INPP5D: variants seen among roughly 807,000 people sequenced by gnomAD.
INPP5D encodes inositol polyphosphate-5-phosphatase D, also known as phosphatidylinositol 3,4,5-trisphosphate 5-phosphatase 1.
Under a neutral mutation model 122.9 loss-of-function variants are expected in INPP5D, and 33 were observed. That is an observed-to-expected ratio of 0.27 (90% CI 0.20 to 0.36). INPP5D has a LOEUF of 0.36. INPP5D is among the 10% of genes least tolerant of loss of function. The pLI, the probability that INPP5D is intolerant of heterozygous loss-of-function variation, is 1.00. For synonymous variants in INPP5D, 584 were observed against 576.2 expected, an observed-to-expected ratio of 1.01 and a Z score of -0.19; for missense variants, 1,053 against 1,412.7, an observed-to-expected ratio of 0.75 and a Z score of 4.08.
chr2:233,109,885 A>G (rs114382983), intron 2 of INPP5D, among the ~76,000 whole-genome samples: 2,594 of 148,464 alleles, frequency 0.017, 59 homozygotes, highest in African/African-American at 0.057. Flanking sequence ...AGCGCCCACC[A>G]GTCTTTATCT....
chr2:233,200,481 T>C (rs1695302659), intron 25 of INPP5D, among the ~76,000 whole-genome samples: 1 of 152,190 alleles, frequency 6.6e-6, no homozygotes, highest in African/African-American at 2.4e-5. Context: ...TTCTTCATCC[T>C]TTTTCCATGA....
At chr2:233,135,229 C>G (rs976856663) in intron 5 of INPP5D, among the ~76,000 whole-genome samples, 1 of 150,242 alleles carries the variant, frequency 6.7e-6, no homozygotes, top group Non-Finnish European at 1.5e-5. Context: ...CAGCATCTCA[C>G]TCTGTCACTC....
At chr2:233,114,493 C>T (rs80028087) in intron 2 of INPP5D, among the ~76,000 whole-genome samples, 1 of 152,208 alleles carries the variant, frequency 6.6e-6, no homozygotes, top group East Asian at 1.9e-4. Context: ...CAGCCTTTCC[C>T]TCAGATGAGC....
rs904689309 is a variant in INPP5D, at chr2:233,164,502, A to G, written c.1555+78A>G. 2 of 1,431,902 alleles carry G rather than the reference A, an allele frequency of 1.4e-6. No individual in the cohort carries two copies. Among genetic ancestry groups the G allele is most frequent in the African/African-American group, 1.4e-5 (1 of 70,700 alleles). 88.7% of individuals were successfully genotyped at this position (1,431,902 alleles called of 1,614,324 possible). A position where few individuals can be genotyped will look rare whatever the true frequency, so the allele number is the denominator to read the frequency against. On this transcript the variant is annotated intron_variant, in intron 13 of 26. Transcript: ENST00000445964. This position sits in a 1 kb window ranked among gnomAD's most constrained non-coding sequence, Gnocchi z 4.3. ...GCGACCACATCATCCTGATCCCACCAGTAGTTCCCCGGGTTAAAAACAGAG... is the reference window on the plus strand; with the variant it reads ...GCGACCACATCATCCTGATCCCACCGGTAGTTCCCCGGGTTAAAAACAGAG...
At chr2:233,089,171 CT>C (rs1484372753) in intron 2 of INPP5D, among the ~76,000 whole-genome samples, 1 of 152,112 alleles carries the variant, frequency 6.6e-6, no homozygotes, top group African/African-American at 2.4e-5. Flanking sequence ...AAGAGAGAGC[CT>C]TGAGGACACG....
chr2:233,071,063 CAGG>C (rs1443360716), intron 1 of INPP5D, among the ~76,000 whole-genome samples: 1 of 152,020 alleles, frequency 6.6e-6, no homozygotes, highest in Non-Finnish European at 1.5e-5. Context: ...CACCAGAGGT[CAGG>C]AGATCAAGAC....
chr2:233,150,645 G>A (rs1307533018), intron 9 of INPP5D, among the ~76,000 whole-genome samples: 1 of 152,196 alleles, frequency 6.6e-6, no homozygotes, highest in Non-Finnish European at 1.5e-5. Flanking sequence ...GTGAACTTTT[G>A]TCGGTTTAAT....
intron 1 of INPP5D, among the ~76,000 whole-genome samples, chr2:233,077,362 A>G (rs1194027769): frequency 1.3e-5 from 2 of 152,150 alleles, no homozygotes; most frequent in East Asian, 1.9e-4. Flanking sequence ...TATATTTTAA[A>G]AAATCTAGTT....
rs962914334 is a variant in INPP5D, at chr2:233,188,046, C to G, written c.2359-1804C>G. Among the ~76,000 whole-genome samples, 1 of 152,064 alleles carries G rather than the reference C, an allele frequency of 6.6e-6. No homozygotes were observed. Among genetic ancestry groups the G allele is most frequent in the Non-Finnish European group, 1.5e-5 (1 of 67,968 alleles). On this transcript the variant is annotated intron_variant, in intron 21 of 26. Transcript: ENST00000445964. This position sits in a 1 kb window ranked among gnomAD's most constrained non-coding sequence, Gnocchi z 4.7. ...CTCCCTCAGTCCCCCTGCCCCCTCC[C>G]AGGGGGTCCACTCCTCCTGTCTCCT... is the stretch of plus-strand genomic sequence containing the variant.
chr2:233,185,125 T>G (rs1291561496), intron 20 of INPP5D, among the ~76,000 whole-genome samples: 17 of 151,968 alleles, frequency 1.1e-4, no homozygotes, highest in Non-Finnish European at 7.4e-5. Context: ...GCTGCGTGTG[T>G]CCAGCCGTCT....
At position 233,206,779 on chromosome 2, in the gene INPP5D, G is replaced by T; in HGVS notation, c.*71G>T. On this transcript the variant is annotated 3_prime_UTR_variant, in exon 27 of 27. Transcript: ENST00000445964. The surrounding 1 kb of genome is among the most constrained non-coding windows in gnomAD (Gnocchi z 4.0). The stretch of plus-strand genomic sequence containing the variant: ...GTGAAGCCACTGGACCCTCTCCCGG[G>T]ACCTCCTGCTGGCTCCTCCTGCCCA... 1 of 733,144 alleles carries T rather than the reference G, an allele frequency of 1.4e-6. No individual in the cohort carries two copies. Among genetic ancestry groups the T allele is most frequent in the Non-Finnish European group, 2.5e-6 (1 of 393,664 alleles). The allele number at this position is 733,144 out of a possible 1,614,324, so 45.4% of individuals were successfully genotyped here.
chr2:233,136,473 C>A (rs1240944617), intron 5 of INPP5D, among the ~76,000 whole-genome samples: 1 of 69,746 alleles, frequency 1.4e-5, no homozygotes, highest in African/African-American at 6.4e-5. Context: ...AGCGAGACCG[C>A]GTTTAAAAAA....
chr2:233,206,714 T>C lies in INPP5D; in HGVS notation c.*6T>C. On this transcript the variant is annotated 3_prime_UTR_variant, in exon 27 of 27. Coordinates refer to ENST00000445964, the MANE Select transcript of INPP5D (RefSeq NM_001017915.3). This position sits in a 1 kb window ranked among gnomAD's most constrained non-coding sequence, Gnocchi z 4.0. ...CTGTTCTTGTCCCACAGTGAAGCCC[T>C]CAGTGAGCTGCCACTGAGTCGGGAG... 1 of 771,804 alleles carries C rather than the reference T, an allele frequency of 1.3e-6. No individual in the cohort carries two copies. The highest frequency in any genetic ancestry group is 1.7e-5 in the Admixed American group (1 of 57,940). The allele number at this position is 771,804 out of a possible 1,614,324, so 47.8% of individuals were successfully genotyped here.
At position 233,157,729 on chromosome 2, in the gene INPP5D, C is replaced by T. The variant is rs144265395; in HGVS notation, c.1031-584C>T. 1.8e-4 allele frequency among the ~76,000 whole-genome samples: 27 copies of T among 146,386 alleles called. No homozygotes were observed. In the South Asian group the frequency reaches 2.4e-3, roughly 13 times the overall value. ...TAGGACATAATGAAAACTGAAACAT[C>T]GGAAAGTATTAATCTAAGCATTTTT... On this transcript the variant is annotated intron_variant, in intron 9 of 26. Transcript: ENST00000445964.
In INPP5D at chr2:233,093,009, G is replaced by T. The variant is rs1477770555; in HGVS notation, c.198+13611G>T. Among the ~76,000 whole-genome samples the T allele has an allele frequency of 2.0e-5, 3 of 152,324 alleles. No homozygotes were observed. The East Asian group carries it at 5.8e-4, about 29-fold the overall frequency. On this transcript the variant is annotated intron_variant, in intron 2 of 26. Coordinates refer to ENST00000445964, the MANE Select transcript of INPP5D (RefSeq NM_001017915.3). ...CTCTAAGATAAAAATGGTTACCCAG[G>T]AAGAAACAGAAAGAGAAATTAAAGA...
At chr2:233,125,207 T>A (rs971737273) in intron 3 of INPP5D, among the ~76,000 whole-genome samples, 1 of 152,226 alleles carries the variant, frequency 6.6e-6, no homozygotes. Flanking sequence ...TTCTTTTATG[T>A]GTTTCTGAGA....
intron 3 of INPP5D, among the ~76,000 whole-genome samples, chr2:233,123,585 G>A (rs1004462319): frequency 2.0e-5 from 3 of 152,192 alleles, no homozygotes; most frequent in African/African-American, 7.2e-5. Context: ...GCTTACCTGG[G>A]GATGCCCCAC....
intron 22 of INPP5D, among the ~76,000 whole-genome samples, 153 bp from the exon 23 acceptor site, chr2:233,193,659 C>T (rs2106322748): frequency 6.6e-6 from 1 of 152,258 alleles, no homozygotes; most frequent in South Asian, 2.1e-4. Context: ...GAGACATTTG[C>T]CCCCAAAGTA....
chr2:233,138,022 T>C (rs1693539149), intron 5 of INPP5D, among the ~76,000 whole-genome samples: 1 of 146,174 alleles, frequency 6.8e-6, no homozygotes, highest in South Asian at 2.1e-4. Flanking sequence ...ATATTAATAA[T>C]GTAATGAGAA....
Sources: gnomAD v4.1 joint callset for allele counts (sites outside exome capture counted in the v4.1 genomes callset) on GRCh38, gnomAD v4.1.1 for gene constraint, Gnocchi (gnomAD v3.1) non-coding constraint, MANE v1.5 for transcripts, NCBI Gene and HGNC (gene_info 2026-07-23, HGNC 2026-07-21) for gene names.